The following LAMA5 variants were observed in gnomAD, a reference collection of about 807,000 sequenced individuals.
LAMA5 encodes laminin subunit alpha 5.
Under a neutral mutation model 433.4 loss-of-function variants are expected in LAMA5, and 260 were observed. That is an observed-to-expected ratio of 0.60 (90% CI 0.54 to 0.66). LAMA5 has a LOEUF of 0.66. LAMA5 is among the 30% of genes least tolerant of loss of function. The pLI is 0.00. For synonymous variants in LAMA5, 2,620 were observed against 2,226.6 expected, an observed-to-expected ratio of 1.18 and a Z score of -4.97; for missense variants, 5,378 against 5,258.5, an observed-to-expected ratio of 1.02 and a Z score of -0.70.
chr20:62,325,572 T>G (rs1979150965), intron 40 of LAMA5, 26 bp from the exon 41 acceptor site: 1 of 1,484,996 alleles, frequency 6.7e-7, no homozygotes, highest in Admixed American at 1.7e-5. Context: ...GGCACCTCAG[T>G]GGGGCCACAC....
chr20:62,349,650 G>A (rs569459544), intron 6 of LAMA5, among the ~76,000 whole-genome samples: 1 of 64,356 alleles, frequency 1.6e-5, no homozygotes, highest in African/African-American at 5.3e-5. Context: ...CCAGGGGATG[G>A]GGATGGGGAT....
At position 62,341,581 on chromosome 20, in the gene LAMA5, G is replaced by A. The variant is rs115989233; in HGVS notation, c.1478-2973C>T. On this transcript the variant is annotated intron_variant, in intron 11 of 79. Transcript: ENST00000252999. ...CTTCCTGTGCATCAAAGTCACCACT[G>A]GCTGAGAACCACTGCTTTAAGCCTT... Among the ~76,000 whole-genome samples, 1,411 of 152,252 alleles carry A rather than the reference G, an allele frequency of 9.3e-3. 21 individuals are homozygous for A. Among genetic ancestry groups the A allele is most frequent in the African/African-American group, 0.032 (1,322 of 41,532 alleles).
Position 62,311,736 on chromosome 20 carries a change from C to G in LAMA5, c.9684G>C (p.Arg3228=), listed in dbSNP as rs541141300. ...GCGGCTGGAGCTCGGGGGGTGGTCCCCGGTGGGGCTTCATCTGCTGGAGCT... is the reference window on the plus strand; with the variant it reads ...GCGGCTGGAGCTCGGGGGGTGGTCCGCGGTGGGGCTTCATCTGCTGGAGCT... ...DDQLQQMKPH[R]GPPPELQPQP... The change falls in exon 71 of 80, where the codon CGG becomes CGC. Residue 3228 remains arginine, a synonymous_variant. Coordinates refer to ENST00000252999, the MANE Select transcript of LAMA5 (RefSeq NM_005560.6). 65 of 1,560,994 alleles carry G rather than the reference C, an allele frequency of 4.2e-5. No individual in the cohort carries two copies. The Middle Eastern group carries it at 5.2e-4, about 12-fold the overall frequency.
chr20:62,317,055 T>G, intron 55 of LAMA5, 32 bp from the exon 56 acceptor site: 1 of 1,509,008 alleles, frequency 6.6e-7, no homozygotes, highest in Non-Finnish European at 8.9e-7. Flanking sequence ...AAGGAGTGGG[T>G]AAGCGCAGAC....
rs760421636 is a variant in LAMA5 at position 62,329,213 on chromosome 20, C to G, written c.4160G>C (p.Gly1387Ala). Residue 1387 changes from glycine to alanine, a missense_variant, in exon 33 of 80, where the codon GGC becomes GCC. By Grantham distance (60) the Gly-to-Ala change is moderately conservative. Transcript: ENST00000252999. Reference protein sequence around the residue: ...LVVPENVYSFGYLREEPLDKS... With the variant: ...LVVPENVYSFAYLREEPLDKS... ...ATCCAGGGGCTCCTCCCGGAGGTAG[C>G]CAAAGCTGTAGACGTTCTCAGGGAC... 4.3e-6 allele frequency: 7 copies of G among 1,612,726 alleles called. No individual in the cohort carries two copies. Among genetic ancestry groups the G allele is most frequent in the Non-Finnish European group, 5.1e-6 (6 of 1,179,922 alleles).
At chr20:62,311,816 T>TTGCCCCCC in intron 70 of LAMA5, 32 bp from the exon 71 acceptor site, 2 of 1,521,008 alleles carry the variant, frequency 1.3e-6, no homozygotes, top group Non-Finnish European at 1.8e-6. Flanking sequence ...GCTCGGTTTT[T>TTGCCCCCC]CCCCACCCTG....
chr20:62,332,825 G>A, intron 26 of LAMA5, 108 bp from the exon 27 acceptor site: 4 of 1,381,464 alleles, frequency 2.9e-6, no homozygotes, highest in Non-Finnish European at 2.9e-6. Context: ...CTTCAGCCGA[G>A]TCCCACCCTG....
intron 28 of LAMA5, 94 bp from the exon 29 acceptor site, chr20:62,331,223 G>T (rs1187131732): frequency 6.3e-6 from 1 of 158,984 alleles, no homozygotes; most frequent in Non-Finnish European, 1.1e-5. Context: ...CGGTACGATG[G>T]GGGGGTGCAG....
At position 62,335,128 on chromosome 20, in the gene LAMA5, T is replaced by C. The variant is rs1601362426; in HGVS notation, c.2377-2A>G. ...CTTGCAGAAGCACTGGCCGGTGCCC[T>C]GGGGGCCAAGGGAGGAGGTGAAGTG... On this transcript the variant is annotated splice_acceptor_variant, in intron 19 of 79. Coordinates refer to ENST00000252999, the MANE Select transcript of LAMA5 (RefSeq NM_005560.6). LOFTEE classifies it high-confidence loss of function. 1 of 1,612,830 alleles carries C rather than the reference T, an allele frequency of 6.2e-7. No homozygotes were observed. Among genetic ancestry groups the C allele is most frequent in the Non-Finnish European group, 8.5e-7 (1 of 1,179,610 alleles).
chr20:62,341,196 C>T lies in LAMA5; in HGVS notation c.1478-2588G>A, dbSNP rs188492990. Among the ~76,000 whole-genome samples, 7 of 152,120 alleles carry T rather than the reference C, an allele frequency of 4.6e-5. No homozygotes were observed. In the East Asian group the frequency reaches 1.4e-3, roughly 29 times the overall value. ...AAGTCTAACCACGATGCAGCAAAAC[C>T]AGAACTGCACACCACGAAAAGGACA... is the stretch of plus-strand genomic sequence containing the variant. On this transcript the variant is annotated intron_variant, in intron 11 of 79. Coordinates refer to ENST00000252999, the MANE Select transcript of LAMA5 (RefSeq NM_005560.6).
At chr20:62,355,670 C>T (rs1360423189) in intron 2 of LAMA5, among the ~76,000 whole-genome samples, 1 of 152,106 alleles carries the variant, frequency 6.6e-6, no homozygotes, top group Non-Finnish European at 1.5e-5. Context: ...GGCAGGGAGA[C>T]ATGCCCTGCC....
chr20:62,335,100 G>A lies in LAMA5; in HGVS notation c.2403C>T (p.Pro801=), dbSNP rs1206206544. The change falls in exon 20 of 80, where the codon CCC becomes CCT. Residue 801 remains proline (P), a synonymous_variant. Transcript: ENST00000252999. ...ACGCGCAGGCCTGGCCGCACACGTG[G>A]GGCTTGCAGAAGCACTGGCCGGTGC... The part of the protein sequence containing the change: ...QPGTGQCFCK[P]HVCGQACASC... 1 of 1,612,914 alleles carries A rather than the reference G, an allele frequency of 6.2e-7. No homozygotes were observed. Among genetic ancestry groups the A allele is most frequent in the East Asian group, 2.2e-5 (1 of 44,898 alleles).
At chr20:62,360,070 G>C (rs1204194754) in intron 2 of LAMA5, among the ~76,000 whole-genome samples, 1 of 150,762 alleles carries the variant, frequency 6.6e-6, no homozygotes, top group Admixed American at 6.6e-5. Flanking sequence ...CCCGCCCCAG[G>C]ATCAGCCCTG....
In LAMA5 at chr20:62,359,760, G is replaced by A. The variant is rs778992083; in HGVS notation, c.450+2640C>T. On this transcript the variant is annotated intron_variant, in intron 2 of 79. Transcript: ENST00000252999. The surrounding 1 kb of genome is among the most constrained non-coding windows in gnomAD (Gnocchi z 4.3). ...GGCCAGGAGCCCAGCTGGCACTCCCGGGGGCCCAGGCTCAGCTGCTTCTGG... is the reference window on the plus strand; with the variant it reads ...GGCCAGGAGCCCAGCTGGCACTCCCAGGGGCCCAGGCTCAGCTGCTTCTGG... Among the ~76,000 whole-genome samples, 44 of 151,934 alleles carry A rather than the reference G, an allele frequency of 2.9e-4. No homozygotes were observed. The highest frequency in any genetic ancestry group is 5.9e-4 in the Non-Finnish European group (40 of 67,956).
chr20:62,338,323 A>G lies in LAMA5; in HGVS notation c.1665T>C (p.Pro555=). 8 of 1,608,274 alleles carry G rather than the reference A, an allele frequency of 5.0e-6. No individual in the cohort carries two copies. The highest frequency in any genetic ancestry group is 6.8e-6 in the Non-Finnish European group (8 of 1,177,722). Residue 555 remains proline, a synonymous_variant, in exon 13 of 80, where the codon CCT becomes CCC. Transcript: ENST00000252999. ...SPGVADDRCD[P]DTGQCRCRVG... ...CTCGGCACCTGCACTGGCCTGTGTCAGGGTCACAGCGGTCATCGGCCACTC... is the reference window on the plus strand; with the variant it reads ...CTCGGCACCTGCACTGGCCTGTGTCGGGGTCACAGCGGTCATCGGCCACTC...
intron 1 of LAMA5, among the ~76,000 whole-genome samples, chr20:62,366,317 G>T (rs1415297214): frequency 6.6e-6 from 1 of 152,156 alleles, no homozygotes; most frequent in African/African-American, 2.4e-5. Context: ...ACCCCAGGGG[G>T]TCTTCAGGGC....
Position 62,351,556 on chromosome 20 carries a change from G to C in LAMA5, c.956+148C>G, listed in dbSNP as rs1297888102. 44 of 718,724 alleles carry C rather than the reference G, an allele frequency of 6.1e-5. No individual in the cohort carries two copies. The Middle Eastern group carries it at 1.5e-3, about 24-fold the overall frequency. 44.5% of individuals were successfully genotyped at this position (718,724 alleles called of 1,614,324 possible). The stretch of plus-strand genomic sequence containing the variant: ...TGAGGAAACTGAGGCACACACGGCG[G>C]TGGTCAGTGCAGGTCACACAGACAG... On this transcript the variant is annotated intron_variant, in intron 6 of 79. Coordinates refer to ENST00000252999, the MANE Select transcript of LAMA5 (RefSeq NM_005560.6).
At chr20:62,332,901 T>C (rs1019701906) in intron 26 of LAMA5, among the ~76,000 whole-genome samples, 184 bp from the exon 27 acceptor site, 29 of 60,108 alleles carry the variant, frequency 4.8e-4, no homozygotes, top group African/African-American at 1.1e-3. Context: ...CAATCCTACA[T>C]ACAGACAGGC....
chr20:62,333,075 T>A lies in LAMA5; in HGVS notation c.3282+15A>T. ...CTGCAACACCCATTGCTCCGTGGGGTCCCAGGACACGCACATCACTGCCCG... is the reference window on the plus strand; with the variant it reads ...CTGCAACACCCATTGCTCCGTGGGGACCCAGGACACGCACATCACTGCCCG... On this transcript the variant is annotated intron_variant, in intron 26 of 79. Transcript: ENST00000252999. 1 of 1,484,212 alleles carries A rather than the reference T, an allele frequency of 6.7e-7. No homozygotes were observed. The highest frequency in any genetic ancestry group is 8.9e-7 in the Non-Finnish European group (1 of 1,119,572). 91.9% of individuals were successfully genotyped at this position (1,484,212 alleles called of 1,614,324 possible).
Sources: gnomAD v4.1 joint callset for allele counts (sites outside exome capture counted in the v4.1 genomes callset) on GRCh38, gnomAD v4.1.1 for gene constraint, Gnocchi (gnomAD v3.1) non-coding constraint, MANE v1.5 for transcripts, NCBI Gene and HGNC (gene_info 2026-07-23, HGNC 2026-07-21) for gene names.